Variants in NEK1 observed in about 807,000 individuals in gnomAD.
NEK1 encodes serine/threonine-protein kinase Nek1.
NEK1 carries 137 observed loss-of-function variants against 182.1 expected under a neutral mutation model. That is an observed-to-expected ratio of 0.75 (90% CI 0.65 to 0.87). NEK1 has a LOEUF of 0.87. Among genes scored for constraint, NEK1 ranks in the 40% least tolerant of loss-of-function variants. The pLI is 0.00. For synonymous variants in NEK1, 513 were observed against 492.2 expected (o/e 1.04, Z -0.56); for missense variants, 1,391 against 1,494.4 (o/e 0.93, Z 1.14).
intron 32 of NEK1, among the ~76,000 whole-genome samples, chr4:169,405,616 T>A (rs1732455169): frequency 6.6e-6 from 1 of 152,174 alleles, no homozygotes; most frequent in Non-Finnish European, 1.5e-5. Context: ...GCTATCATCA[T>A]GCCAGTGCAC....
At chr4:169,536,406 A>G (rs1758513305) in intron 19 of NEK1, among the ~76,000 whole-genome samples, 1 of 152,156 alleles carries the variant, frequency 6.6e-6, no homozygotes, top group East Asian at 1.9e-4. Flanking sequence ...CCAAGGAAAA[A>G]GATAAGAATG....
intron 19 of NEK1, among the ~76,000 whole-genome samples, chr4:169,518,699 T>C (rs929853147): frequency 1.4e-4 from 13 of 90,540 alleles, no homozygotes; most frequent in Non-Finnish European, 2.0e-4. Flanking sequence ...GATTCTGGTA[T>C]GTGGTGTCTT....
chr4:169,537,994 T>G, intron 18 of NEK1, 83 bp from the exon 19 acceptor site: 1 of 995,866 alleles, frequency 1.0e-6, no homozygotes, highest in South Asian at 1.8e-5. Context: ...CCTAAATTTT[T>G]TTTTCATTTC....
intron 26 of NEK1, among the ~76,000 whole-genome samples, chr4:169,468,199 T>A (rs76154771): frequency 0.043 from 6,584 of 152,162 alleles, 502 homozygotes; most frequent in African/African-American, 0.15. Context: ...ATCATTATGC[T>A]TGAGTGAAAG....
intron 10 of NEK1, among the ~76,000 whole-genome samples, chr4:169,581,578 C>A (rs912578690): frequency 6.6e-6 from 1 of 152,104 alleles, no homozygotes; most frequent in African/African-American, 2.4e-5. Context: ...TGCCACCGTG[C>A]CCAGCACTAA....
At chr4:169,463,121 A>G in intron 27 of NEK1, 122 bp downstream of exon 27, 1 of 582,794 alleles carries the variant, frequency 1.7e-6, no homozygotes, top group Non-Finnish European at 2.6e-6. Flanking sequence ...TCTAATTAAA[A>G]AATTATTATA....
intron 12 of NEK1, among the ~76,000 whole-genome samples, chr4:169,574,112 C>T (rs7677203): frequency 0.014 from 2,087 of 152,192 alleles, 141 homozygotes; most frequent in Admixed American, 0.12. Context: ...GAGCCATGAC[C>T]GCACTACTGT....
intron 19 of NEK1, among the ~76,000 whole-genome samples, chr4:169,524,729 T>C (rs891758346): frequency 1.3e-5 from 2 of 152,214 alleles, no homozygotes; most frequent in Non-Finnish European, 2.9e-5. Flanking sequence ...CACTTGTTTT[T>C]GTATGGTCCA....
intron 23 of NEK1, among the ~76,000 whole-genome samples, chr4:169,498,251 T>G (rs905755078): frequency 5.3e-5 from 8 of 152,234 alleles, no homozygotes; most frequent in East Asian, 1.9e-4. Flanking sequence ...GTTTTCCATT[T>G]GCTTGGTAGC....
intron 35 of NEK1, 43 bp from the exon 36 acceptor site, chr4:169,394,566 T>A (rs879165314): frequency 8.1e-7 from 1 of 1,240,082 alleles, no homozygotes; most frequent in South Asian, 1.4e-5. Context: ...CAAATCAAGC[T>A]GTATCTACTT....
At position 169,392,978 on chromosome 4, in the gene NEK1, T is replaced by C. The variant is rs569888184; in HGVS notation, c.*1532A>G. On this transcript the variant is annotated 3_prime_UTR_variant, in exon 36 of 36. Transcript: ENST00000507142. ...TCGACTGGAGATGGCACAAATCTTA[T>C]TGATCATCCTTATTCCTGCACATAT... 2.0e-5 allele frequency: 3 copies of C among 152,356 alleles called. No individual in the cohort carries two copies. Among genetic ancestry groups the C allele is most frequent in the East Asian group, 1.9e-4 (1 of 5,190 alleles). 9.4% of individuals were successfully genotyped at this position (152,356 alleles called of 1,614,324 possible).
chr4:169,451,740 A>G (rs966158280), intron 27 of NEK1, among the ~76,000 whole-genome samples: 11 of 152,244 alleles, frequency 7.2e-5, no homozygotes, highest in Non-Finnish European at 1.0e-4. Flanking sequence ...GAGAAGCAAG[A>G]GCAAACAAAT....
At chr4:169,428,203 T>C (rs926631267) in intron 29 of NEK1, among the ~76,000 whole-genome samples, 5 of 151,712 alleles carry the variant, frequency 3.3e-5, no homozygotes, top group African/African-American at 1.2e-4. Flanking sequence ...GATGCCACAA[T>C]TCCACTCCAA....
At chr4:169,487,418 G>T (rs966321467) in intron 23 of NEK1, among the ~76,000 whole-genome samples, 1 of 152,122 alleles carries the variant, frequency 6.6e-6, no homozygotes, top group African/African-American at 2.4e-5. Flanking sequence ...GAGGTGTTTG[G>T]TTTTCTGTTC....
chr4:169,439,054 T>A (rs1271724872), intron 27 of NEK1, among the ~76,000 whole-genome samples: 1 of 152,208 alleles, frequency 6.6e-6, no homozygotes, highest in Admixed American at 6.5e-5. Flanking sequence ...ATGCACTGAT[T>A]CTGCTACATT....
At chr4:169,594,124 AATGTT>A (rs1359201498) in intron 5 of NEK1, among the ~76,000 whole-genome samples, 1 of 152,182 alleles carries the variant, frequency 6.6e-6, no homozygotes, top group Non-Finnish European at 1.5e-5. Flanking sequence ...TTTAAATTCA[AATGTT>A]ATGTTGTATT....
At chr4:169,590,062 C>A (rs1768188200) in intron 6 of NEK1, among the ~76,000 whole-genome samples, 1 of 152,120 alleles carries the variant, frequency 6.6e-6, no homozygotes, top group Non-Finnish European at 1.5e-5. Flanking sequence ...AATCCCAGCA[C>A]TTTGGAAGGC....
chr4:169,570,025 G>A lies in NEK1; in HGVS notation c.1020+6903C>T, dbSNP rs1332222902. Among the ~76,000 whole-genome samples the A allele has an allele frequency of 4.1e-5, 6 of 145,540 alleles. No individual in the cohort carries two copies. The South Asian group carries it at 8.5e-4, about 21-fold the overall frequency. ...AAGTGAGGAGCGGCTCTGCCCGGCCGCCATCCCATCTAGGAAGTGAGGAGC... is the reference window on the plus strand; with the variant it reads ...AAGTGAGGAGCGGCTCTGCCCGGCCACCATCCCATCTAGGAAGTGAGGAGC... On this transcript the variant is annotated intron_variant, in intron 12 of 35. Transcript: ENST00000507142.
intron 18 of NEK1, among the ~76,000 whole-genome samples, chr4:169,545,923 G>A (rs903657239): frequency 1.3e-5 from 2 of 152,130 alleles, no homozygotes; most frequent in Admixed American, 1.3e-4. Context: ...AATAAAAGAG[G>A]ATACAAACAA....
Sources: allele counts gnomAD v4.1 joint callset (sites outside exome capture counted in the v4.1 genomes callset), GRCh38; gene constraint gnomAD v4.1.1; transcripts MANE v1.5; gene names NCBI Gene and HGNC (gene_info 2026-07-23, HGNC 2026-07-21).